The following FAM131B variants were observed in gnomAD, a reference collection of about 807,000 sequenced individuals.
FAM131B encodes the protein protein FAM131B.
A neutral mutation model predicts 42.0 loss-of-function variants in FAM131B; 19 were observed. That is an observed-to-expected ratio of 0.45 (90% CI 0.32 to 0.66). The LOEUF (loss-of-function observed/expected upper bound fraction) is 0.66. FAM131B is among the 30% of genes least tolerant of loss of function. FAM131B has a pLI of 0.05. For missense variants in FAM131B, 370 were observed against 468.4 expected, an observed-to-expected ratio of 0.79 and a Z score of 1.94; for synonymous variants, 183 against 177.6, an observed-to-expected ratio of 1.03 and a Z score of -0.24.
chr7:143,378,175 C>T, the FAM131B span, among the ~76,000 whole-genome samples: 1 of 152,254 alleles, frequency 6.6e-6, no homozygotes, highest in Non-Finnish European at 1.5e-5. Flanking sequence ...GAGTGAACCT[C>T]TATCCATCTG....
the FAM131B span, chr7:143,380,413 T>G: frequency 1.0e-6 from 1 of 984,756 alleles, no homozygotes; most frequent in Non-Finnish European, 1.2e-6. The surrounding 1 kb of genome is among the most constrained non-coding windows in gnomAD (Gnocchi z 5.0). Context: ...AGTCTCAGAA[T>G]GCCCAAGAGC....
At chr7:143,376,223 C>A in the FAM131B span, among the ~76,000 whole-genome samples, 1 of 152,166 alleles carries the variant, frequency 6.6e-6, no homozygotes, top group African/African-American at 2.4e-5. Context: ...TAATTAGTAG[C>A]CACACCAAGC....
At chr7:143,371,280 T>C in the FAM131B span, among the ~76,000 whole-genome samples, 5 of 151,808 alleles carry the variant, frequency 3.3e-5, no homozygotes, top group Non-Finnish European at 7.4e-5. Context: ...AAACCCAGGA[T>C]GGAATGATAT....
chr7:143,381,503 G>A, the FAM131B span: 1 of 1,526,512 alleles, frequency 6.6e-7, no homozygotes, highest in East Asian at 2.5e-5. Flanking sequence ...AGCTGGGACC[G>A]CCTGGGGCTC....
rs1445554262 is a variant in FAM131B at position 143,358,926 on chromosome 7, G to T, written c.367C>A (p.Pro123Thr). ...MIEWQGWGKT[P>T]AVQPQHSHES... is the part of the protein sequence containing the mutation. ...TGGCTGTGTTGTGGCTGAACAGCTG[G>T]TGTCTTCCCCCAGCCCTGCCACTCA... is the stretch of plus-strand genomic sequence containing the variant. Residue 123 changes from proline (P) to threonine (T), a missense_variant, in exon 5 of 7, where the codon CCA (proline) becomes ACA (threonine). By Grantham distance (38) the Pro-to-Thr change is conservative. Coordinates refer to ENST00000443739, the MANE Select transcript of FAM131B (RefSeq NM_001031690.3). This position sits in a 1 kb window ranked among gnomAD's most constrained non-coding sequence, Gnocchi z 4.7. The T allele has an allele frequency of 1.2e-6, 2 of 1,613,838 alleles. No individual in the cohort carries two copies. The highest frequency in any genetic ancestry group is 1.7e-6 in the Non-Finnish European group (2 of 1,180,000).
At chr7:143,368,442 A>G in the FAM131B span, among the ~76,000 whole-genome samples, 1 of 152,240 alleles carries the variant, frequency 6.6e-6, no homozygotes, top group Non-Finnish European at 1.5e-5. Context: ...AGGAACTGGA[A>G]GGCTTGTCCT....
At chr7:143,374,312 C>G in the FAM131B span, among the ~76,000 whole-genome samples, 1 of 152,180 alleles carries the variant, frequency 6.6e-6, no homozygotes, top group Non-Finnish European at 1.5e-5. Context: ...CAACCAGAAG[C>G]TGGGATGGGC....
chr7:143,360,474 G>A, intron 1 of FAM131B: 1 of 1,086,794 alleles, frequency 9.2e-7, no homozygotes, highest in South Asian at 2.2e-5. Flanking sequence ...TGGGAGCTGG[G>A]CTTTTTCTCT....
intron 5 of FAM131B, 86 bp from the exon 6 acceptor site, chr7:143,357,509 C>T (rs1000995674): frequency 1.7e-6 from 2 of 1,172,402 alleles, no homozygotes. Flanking sequence ...TAGTGCAGCA[C>T]TGTTCAGTAG....
the FAM131B span, among the ~76,000 whole-genome samples, chr7:143,370,738 C>T: frequency 6.6e-6 from 1 of 152,174 alleles, no homozygotes; most frequent in African/African-American, 2.4e-5. Flanking sequence ...AAATGGGCAA[C>T]CAGCAGCCCT....
chr7:143,377,033 G>C, the FAM131B span, among the ~76,000 whole-genome samples: 7 of 152,098 alleles, frequency 4.6e-5, no homozygotes, highest in Non-Finnish European at 1.0e-4. Context: ...GCAGTGGCAC[G>C]ATCTCGATCT....
chr7:143,367,449 G>A (rs1365328247), upstream of FAM131B, among the ~76,000 whole-genome samples: 1 of 152,194 alleles, frequency 6.6e-6, no homozygotes, highest in Non-Finnish European at 1.5e-5. Flanking sequence ...GCCCACACCT[G>A]TAATTTCAGT....
In FAM131B at chr7:143,359,490, T is replaced by C. The variant is rs756737696; in HGVS notation, c.175-71A>G. 3 of 1,234,056 alleles carry C rather than the reference T, an allele frequency of 2.4e-6. No individual in the cohort carries two copies. The highest frequency in any genetic ancestry group is 3.5e-6 in the Non-Finnish European group (3 of 846,130). 76.4% of individuals were successfully genotyped at this position (1,234,056 alleles called of 1,614,324 possible). A position where few individuals can be genotyped will look rare whatever the true frequency, so the allele number is the denominator to read the frequency against. On this transcript the variant is annotated intron_variant, in intron 3 of 6. Coordinates refer to ENST00000443739, the MANE Select transcript of FAM131B (RefSeq NM_001031690.3). The surrounding 1 kb of genome is among the most constrained non-coding windows in gnomAD (Gnocchi z 5.4). Reference sequence around the variant, plus strand: ...GGGCGTGCTTTATACATGGAGGAGGTTCATGGTTTCCAGGAAAAAGCATTC... The same window carrying C: ...GGGCGTGCTTTATACATGGAGGAGGCTCATGGTTTCCAGGAAAAAGCATTC...
At chr7:143,374,899 C>T in the FAM131B span, among the ~76,000 whole-genome samples, 18 of 152,210 alleles carry the variant, frequency 1.2e-4, no homozygotes, top group Non-Finnish European at 2.2e-4. Context: ...ACAGGCTCTA[C>T]CGGATGCATC....
In FAM131B at chr7:143,362,640, C is replaced by G. The variant is rs2116488534; in HGVS notation, c.-37G>C. ...CCGCAGAGCCGGGCCCTCACCGACT[C>G]GGGGCGCGCGCCGGGGGGAGCACCG... is the stretch of plus-strand genomic sequence containing the variant. On this transcript the variant is annotated 5_prime_UTR_variant, in exon 1 of 7. Transcript: ENST00000443739. This position sits in a 1 kb window ranked among gnomAD's most constrained non-coding sequence, Gnocchi z 7.7. 2.5e-6 allele frequency: 3 copies of G among 1,180,840 alleles called. No homozygotes were observed. Among genetic ancestry groups the G allele is most frequent in the Non-Finnish European group, 3.1e-6 (3 of 953,352 alleles). The allele number at this position is 1,180,840 out of a possible 1,614,324, so 73.1% of individuals were successfully genotyped here. A position where few individuals can be genotyped will look rare whatever the true frequency, so the allele number is the denominator to read the frequency against.
At chr7:143,365,868 C>T (rs992298783), upstream of FAM131B, among the ~76,000 whole-genome samples, 2 of 152,184 alleles carry the variant, frequency 1.3e-5, no homozygotes, top group Non-Finnish European at 2.9e-5. Flanking sequence ...CTTGGTCTCC[C>T]AAAAGGTTAG....
chr7:143,368,310 C>T, the FAM131B span, among the ~76,000 whole-genome samples: 2 of 152,216 alleles, frequency 1.3e-5, no homozygotes, highest in Non-Finnish European at 1.5e-5. Context: ...AAGCCAATCC[C>T]AGAGCACTGA....
chr7:143,368,035 A>C, the FAM131B span, among the ~76,000 whole-genome samples: 1 of 152,234 alleles, frequency 6.6e-6, no homozygotes, highest in African/African-American at 2.4e-5. Context: ...AGGCCAAGCC[A>C]GCAGATCGCG....
rs1803760632 is a variant in FAM131B, at chr7:143,358,053, C to G, written c.467-630G>C. Among the ~76,000 whole-genome samples the G allele has an allele frequency of 6.6e-6, 1 of 152,130 alleles. No individual in the cohort carries two copies. The highest frequency in any genetic ancestry group is 1.9e-4 in the East Asian group (1 of 5,176). Reference sequence around the variant, plus strand: ...AAGAGAGCATCGTGGGCTTGTGGGTCCACCATAATATAAAACTGAAATTCA... The same window carrying G: ...AAGAGAGCATCGTGGGCTTGTGGGTGCACCATAATATAAAACTGAAATTCA... On this transcript the variant is annotated intron_variant, in intron 5 of 6. Coordinates refer to ENST00000443739, the MANE Select transcript of FAM131B (RefSeq NM_001031690.3). The surrounding 1 kb of genome is among the most constrained non-coding windows in gnomAD (Gnocchi z 4.7).
Sources: allele counts gnomAD v4.1 joint callset (sites outside exome capture counted in the v4.1 genomes callset), GRCh38; gene constraint gnomAD v4.1.1; non-coding constraint Gnocchi (gnomAD v3.1); transcripts MANE v1.5; gene names NCBI Gene and HGNC (gene_info 2026-07-23, HGNC 2026-07-21).